Variants in GBE1 observed in about 807,000 individuals in gnomAD.
The protein encoded by GBE1 is 1,4-alpha-glucan-branching enzyme.
Under a neutral mutation model 88.8 loss-of-function variants are expected in GBE1, and 70 were observed. That is an observed-to-expected ratio of 0.79 (90% CI 0.65 to 0.96). The LOEUF is 0.96. GBE1 is among the 40% of genes least tolerant of loss of function. GBE1 has a pLI of 0.00. For synonymous variants in GBE1, 284 were observed against 300.1 expected, an observed-to-expected ratio of 0.95 and a Z score of 0.56; for missense variants, 872 against 871.0, an observed-to-expected ratio of 1.00 and a Z score of -0.01.
intron 14 of GBE1, among the ~76,000 whole-genome samples, chr3:81,514,967 A>G (rs1022146981): frequency 9.9e-5 from 15 of 151,642 alleles, no homozygotes; most frequent in Admixed American, 2.0e-4. Flanking sequence ...CACTGGTATC[A>G]GGTATAAAGA....
intron 3 of GBE1, among the ~76,000 whole-genome samples, chr3:81,659,117 A>C (rs1193295834): frequency 6.6e-6 from 1 of 152,136 alleles, no homozygotes; most frequent in Admixed American, 6.5e-5. Flanking sequence ...TGAAGGTTAG[A>C]ATTCTATTAA....
chr3:81,528,330 C>G (rs1004534721), intron 14 of GBE1, among the ~76,000 whole-genome samples: 6 of 151,804 alleles, frequency 4.0e-5, no homozygotes, highest in African/African-American at 1.5e-4. Flanking sequence ...ACATATGTAA[C>G]AAACCTGCAT....
chr3:81,729,606 C>T (rs994265879), intron 1 of GBE1, among the ~76,000 whole-genome samples: 1 of 152,134 alleles, frequency 6.6e-6, no homozygotes, highest in African/African-American at 2.4e-5. Flanking sequence ...GGAAGAAGTA[C>T]AGAGTAGGAT....
chr3:81,549,899 A>C (rs1703250687), intron 12 of GBE1, among the ~76,000 whole-genome samples: 1 of 151,582 alleles, frequency 6.6e-6, no homozygotes, highest in African/African-American at 2.4e-5. Flanking sequence ...ACTTGTTATT[A>C]ATAGATTCTA....
At chr3:81,714,965 TCA>T (rs776630514) in intron 1 of GBE1, among the ~76,000 whole-genome samples, 12 of 152,142 alleles carry the variant, frequency 7.9e-5, no homozygotes, top group Non-Finnish European at 1.2e-4. Flanking sequence ...ATCTAACTAA[TCA>T]CCTCCCACAG....
chr3:81,750,491 G>C (rs1010274460), intron 1 of GBE1, among the ~76,000 whole-genome samples: 14 of 138,514 alleles, frequency 1.0e-4, no homozygotes, highest in Middle Eastern at 3.9e-3. Context: ...AAAATTATTA[G>C]TAATTAAGAA....
chr3:81,601,571 G>A (rs1704032740), intron 7 of GBE1, among the ~76,000 whole-genome samples: 1 of 152,066 alleles, frequency 6.6e-6, no homozygotes, highest in African/African-American at 2.4e-5. Context: ...CTCCTGAATG[G>A]GGATTAAATG....
chr3:81,536,864 G>T, intron 13 of GBE1, 47 bp downstream of exon 13: 1 of 1,419,598 alleles, frequency 7.0e-7, no homozygotes, highest in Non-Finnish European at 9.6e-7. Flanking sequence ...TTCTAGGCAT[G>T]TACCTCATTG....
intron 11 of GBE1, among the ~76,000 whole-genome samples, 188 bp downstream of exon 11, chr3:81,580,977 A>G (rs1703720406): frequency 6.6e-6 from 1 of 152,028 alleles, no homozygotes; most frequent in African/African-American, 2.4e-5. Context: ...CTACAAATTT[A>G]ACATTTTTTC....
Position 81,757,144 on chromosome 3 carries a change from A to G in GBE1, c.143+4231T>C, listed in dbSNP as rs148022394. Among the ~76,000 whole-genome samples, 8 of 152,314 alleles carry G rather than the reference A, an allele frequency of 5.3e-5. No homozygotes were observed. In the East Asian group the frequency reaches 1.5e-3, roughly 29 times the overall value. On this transcript the variant is annotated intron_variant, in intron 1 of 15. Transcript: ENST00000429644. ...AAAGGAATGCATGTGGGAAATGGAT[A>G]TCATGTTTCTAATTTATTTTACTGG...
chr3:81,716,964 G>C (rs531775788), intron 1 of GBE1, among the ~76,000 whole-genome samples: 1 of 152,170 alleles, frequency 6.6e-6, no homozygotes, highest in Non-Finnish European at 1.5e-5. Context: ...AGCCCTGTGA[G>C]ATGGCCCATC....
At chr3:81,662,312 G>A (rs764281680) in intron 3 of GBE1, among the ~76,000 whole-genome samples, 34 of 152,128 alleles carry the variant, frequency 2.2e-4, no homozygotes, top group Non-Finnish European at 1.6e-4. Flanking sequence ...GATTACAGGT[G>A]TGAGCCACCG....
intron 7 of GBE1, among the ~76,000 whole-genome samples, chr3:81,604,286 CT>C (rs775592244): frequency 0.033 from 1,786 of 54,906 alleles, 19 homozygotes; most frequent in African/African-American, 0.2. Flanking sequence ...TTCTTTCTTT[CT>C]TTTTTTTTTT....
chr3:81,661,119 A>G (rs960801967), intron 3 of GBE1, among the ~76,000 whole-genome samples: 2 of 152,130 alleles, frequency 1.3e-5, no homozygotes. Context: ...AAACATTTTT[A>G]TTTTTTAAAA....
intron 7 of GBE1, among the ~76,000 whole-genome samples, chr3:81,636,976 G>A (rs796649214): frequency 9.9e-5 from 15 of 152,212 alleles, no homozygotes; most frequent in African/African-American, 3.6e-4. Context: ...ATTTTTAGGA[G>A]ATACAGTCCA....
chr3:81,567,452 A>G (rs1375515373), intron 12 of GBE1, among the ~76,000 whole-genome samples: 2 of 152,182 alleles, frequency 1.3e-5, no homozygotes, highest in African/African-American at 4.8e-5. Context: ...AATTTTATTT[A>G]TCCAGTTCTC....
At chr3:81,706,264 G>C (rs539924128) in intron 1 of GBE1, among the ~76,000 whole-genome samples, 1 of 152,078 alleles carries the variant, frequency 6.6e-6, no homozygotes, top group African/African-American at 2.4e-5. Flanking sequence ...AGCATGTCAA[G>C]AACATACACC....
chr3:81,653,015 C>G (rs901801442), intron 3 of GBE1, among the ~76,000 whole-genome samples: 2 of 152,114 alleles, frequency 1.3e-5, no homozygotes, highest in African/African-American at 4.8e-5. Flanking sequence ...AAAGAACTGG[C>G]TTGATTGATC....
intron 1 of GBE1, among the ~76,000 whole-genome samples, chr3:81,731,919 C>A (rs942413116): frequency 6.6e-6 from 1 of 152,000 alleles, no homozygotes; most frequent in Non-Finnish European, 1.5e-5. Flanking sequence ...TAATACAAAA[C>A]CCTACATACA....
Sources: allele counts gnomAD v4.1 joint callset (sites outside exome capture counted in the v4.1 genomes callset), GRCh38; gene constraint gnomAD v4.1.1; transcripts MANE v1.5; gene names NCBI Gene and HGNC (gene_info 2026-07-23, HGNC 2026-07-21).